CHIC2: variants seen among roughly 807,000 people sequenced by gnomAD.
CHIC2 encodes the protein cysteine-rich hydrophobic domain-containing protein 2.
CHIC2 carries 14 observed loss-of-function variants against 25.9 expected under a neutral mutation model. That is an observed-to-expected ratio of 0.54 (90% CI 0.36 to 0.85). The LOEUF (loss-of-function observed/expected upper bound fraction) is 0.85, where lower values mean the gene tolerates loss of function less well. Ranked by LOEUF, CHIC2 falls within the 40% of genes least tolerant of loss-of-function variation. The pLI is 0.01. For missense variants in CHIC2, 146 were observed against 202.0 expected, an observed-to-expected ratio of 0.72 and a Z score of 1.68; for synonymous variants, 70 against 72.0, an observed-to-expected ratio of 0.97 and a Z score of 0.14.
intron 3 of CHIC2, among the ~76,000 whole-genome samples, chr4:54,038,744 G>C (rs1235314583): frequency 6.6e-6 from 1 of 152,088 alleles, no homozygotes; most frequent in Non-Finnish European, 1.5e-5. Flanking sequence ...ACAGTAGGCT[G>C]GACACAGTGG....
chr4:54,088,705 T>C, the CHIC2 span, among the ~76,000 whole-genome samples: 1 of 152,234 alleles, frequency 6.6e-6, no homozygotes, highest in African/African-American at 2.4e-5. Context: ...CTGGCTGCTC[T>C]GTTGAGAACA....
At chr4:54,081,844 G>C in the CHIC2 span, among the ~76,000 whole-genome samples, 1 of 152,124 alleles carries the variant, frequency 6.6e-6, no homozygotes, top group Non-Finnish European at 1.5e-5. Flanking sequence ...TTATAGGTGT[G>C]AGCCATAGCA....
intron 1 of CHIC2, among the ~76,000 whole-genome samples, chr4:54,056,808 C>T: frequency 6.6e-6 from 1 of 152,132 alleles, no homozygotes; most frequent in East Asian, 1.9e-4. Flanking sequence ...ATATAAAAAA[C>T]ACAATTTTTT....
rs1343855554 is a variant in CHIC2, at chr4:54,049,139, A to G, written c.175-29T>C. The G allele has an allele frequency of 3.8e-6, 6 of 1,581,772 alleles. No homozygotes were observed. The South Asian group carries it at 4.7e-5, about 12-fold the overall frequency. On this transcript the variant is annotated intron_variant, in intron 2 of 5. Coordinates refer to ENST00000263921, the MANE Select transcript of CHIC2 (RefSeq NM_012110.4). The stretch of plus-strand genomic sequence containing the variant: ...AAGAAAAATTTTAAGAAATAATAAC[A>G]ATGCAATATTAATGTCAAAAAACAT...
the CHIC2 span, among the ~76,000 whole-genome samples, chr4:54,084,802 T>C: frequency 6.6e-6 from 1 of 150,872 alleles, no homozygotes; most frequent in Non-Finnish European, 1.5e-5. Context: ...CTCAAAAAAG[T>C]ATAAAAAATT....
intron 3 of CHIC2, among the ~76,000 whole-genome samples, chr4:54,042,663 G>C (rs1171685125): frequency 6.6e-6 from 1 of 152,072 alleles, no homozygotes; most frequent in East Asian, 1.9e-4. Context: ...TAGCAGAAGG[G>C]AGTGAGGGGA....
In CHIC2 at chr4:54,014,141, A is replaced by G. The variant is rs766292330; in HGVS notation, c.331-22T>C. The G allele has an allele frequency of 3.5e-5, 56 of 1,611,532 alleles. No individual in the cohort carries two copies. The South Asian group carries it at 4.9e-4, about 14-fold the overall frequency. The stretch of plus-strand genomic sequence containing the variant: ...GTGTCTGGAAGACAAATGAGAAAAA[A>G]GTTTACTCTTGACTGGTTTTAGAAA... On this transcript the variant is annotated intron_variant, in intron 3 of 5. Transcript: ENST00000263921.
chr4:54,056,060 G>C (rs1050554684), intron 1 of CHIC2, among the ~76,000 whole-genome samples: 13 of 152,136 alleles, frequency 8.5e-5, no homozygotes, highest in Non-Finnish European at 1.9e-4. Context: ...TCCAAAGCAT[G>C]TGTTAAATTT....
chr4:54,013,674 C>T lies in CHIC2; in HGVS notation c.447+163G>A, dbSNP rs77348289. Among the ~76,000 whole-genome samples the T allele has an allele frequency of 1.2e-3, 182 of 152,186 alleles. 3 individuals carry two copies. In the East Asian group the frequency reaches 0.028, roughly 23 times the overall value. ...GTCATTCATAACTTTATAAATCAGT[C>T]TTGCACATGAAACCATGCATCTGTG... On this transcript the variant is annotated intron_variant, in intron 5 of 5. Transcript: ENST00000263921.
intron 3 of CHIC2, among the ~76,000 whole-genome samples, chr4:54,027,937 A>G (rs888833344): frequency 2.6e-5 from 4 of 152,214 alleles, no homozygotes; most frequent in Non-Finnish European, 4.4e-5. Context: ...ACAGAAGCAA[A>G]GGCAATATAT....
chr4:54,043,334 TG>T (rs1365283207), intron 3 of CHIC2, among the ~76,000 whole-genome samples: 4 of 147,394 alleles, frequency 2.7e-5, no homozygotes, highest in African/African-American at 1.0e-4. Flanking sequence ...CACAGGAGAA[TG>T]GCGTGAACAC....
intron 1 of CHIC2, among the ~76,000 whole-genome samples, chr4:54,052,188 G>A (rs558800744): frequency 6.6e-6 from 1 of 151,984 alleles, no homozygotes; most frequent in Admixed American, 6.6e-5. Flanking sequence ...TTAGCAAGAC[G>A]GTCTTATTTT....
upstream of CHIC2, chr4:54,065,304 C>T (rs1717489043): frequency 5.1e-6 from 5 of 984,690 alleles, no homozygotes; most frequent in Non-Finnish European, 6.0e-6. Context: ...GATAAATTAC[C>T]TGGATTCCAT....
chr4:54,029,435 A>G lies in CHIC2; in HGVS notation c.331-15316T>C, dbSNP rs559103178. Among the ~76,000 whole-genome samples, 15 of 152,358 alleles carry G rather than the reference A, an allele frequency of 9.8e-5. No individual in the cohort carries two copies. The South Asian group carries it at 1.2e-3, about 13-fold the overall frequency. ...ATTATTGACCACATGAATATTTGTT[A>G]TATTTACCAAAATAAGGCAAATTGA... On this transcript the variant is annotated intron_variant, in intron 3 of 5. Transcript: ENST00000263921.
At chr4:54,047,296 T>C (rs1243503431) in intron 3 of CHIC2, among the ~76,000 whole-genome samples, 1 of 152,178 alleles carries the variant, frequency 6.6e-6, no homozygotes, top group African/African-American at 2.4e-5. Context: ...ATCCCATTAC[T>C]GGGTATATAC....
chr4:54,070,920 C>T, the CHIC2 span, among the ~76,000 whole-genome samples: 1 of 152,154 alleles, frequency 6.6e-6, no homozygotes, highest in Non-Finnish European at 1.5e-5. Context: ...CAAGAGTGGG[C>T]ATCTGACCTA....
intron 3 of CHIC2, among the ~76,000 whole-genome samples, chr4:54,020,239 T>A (rs1207606074): frequency 6.6e-6 from 1 of 152,134 alleles, no homozygotes; most frequent in Non-Finnish European, 1.5e-5. Context: ...CCTTAACTGA[T>A]CAACGTGCTT....
At chr4:54,049,362 G>T in intron 1 of CHIC2, 57 bp from the exon 2 acceptor site, 2 of 1,130,368 alleles carry the variant, frequency 1.8e-6, no homozygotes, top group South Asian at 2.9e-5. Flanking sequence ...CAAAAATGTA[G>T]ACCATTTAAT....
intron 1 of CHIC2, among the ~76,000 whole-genome samples, chr4:54,054,933 A>C (rs190973309): frequency 1.5e-3 from 233 of 152,298 alleles, no homozygotes; most frequent in African/African-American, 5.4e-3. Context: ...TCACCAGACA[A>C]GTAATGATGG....
Sources: allele counts gnomAD v4.1 joint callset (sites outside exome capture counted in the v4.1 genomes callset), GRCh38; gene constraint gnomAD v4.1.1; transcripts MANE v1.5; gene names NCBI Gene and HGNC (gene_info 2026-07-23, HGNC 2026-07-21).